VIL1: variants seen among roughly 807,000 people sequenced by gnomAD.
The protein encoded by VIL1 is villin-1.
VIL1 carries 86 observed loss-of-function variants against 104.0 expected under a neutral mutation model. The ratio of observed to expected loss-of-function variants is 0.83; its 90% confidence interval spans 0.69 to 0.99. VIL1 has a LOEUF of 0.99. VIL1 is among the 50% of genes least tolerant of loss of function. The pLI is 0.00. For synonymous variants in VIL1, 394 were observed against 412.6 expected (o/e 0.95, Z 0.55); for missense variants, 944 against 1,054.1 (o/e 0.90, Z 1.45).
chr2:218,422,126 G>A (rs1003038007), intron 1 of VIL1, among the ~76,000 whole-genome samples: 8 of 152,032 alleles, frequency 5.3e-5, no homozygotes, highest in East Asian at 1.9e-4. Flanking sequence ...TTGGTGGCTC[G>A]CGCCTGTAAT....
chr2:218,419,808 C>T lies in VIL1; in HGVS notation c.-12+640C>T, dbSNP rs780694033. On this transcript the variant is annotated intron_variant, in intron 1 of 19. Coordinates refer to ENST00000248444, the MANE Select transcript of VIL1 (RefSeq NM_007127.3). ...CTACCCGGAGCTGCCCCATTGGCCTCCCCAGCCACTGTGGGCCCATTCAGC... is the reference window on the plus strand; with the variant it reads ...CTACCCGGAGCTGCCCCATTGGCCTTCCCAGCCACTGTGGGCCCATTCAGC... Among the ~76,000 whole-genome samples, 86 of 152,202 alleles carry T rather than the reference C, an allele frequency of 5.7e-4. 1 individual carries two copies. Among genetic ancestry groups the T allele is most frequent in the Non-Finnish European group, 9.7e-4 (66 of 68,034 alleles).
chr2:218,437,197 T>G lies in VIL1; in HGVS notation c.2045T>G (p.Leu682Arg). The G allele has an allele frequency of 6.2e-7, 1 of 1,614,130 alleles. No homozygotes were observed. The highest frequency in any genetic ancestry group is 8.5e-7 in the Non-Finnish European group (1 of 1,180,032). The change falls in exon 17 of 20, where the codon CTC becomes CGC. Residue 682 changes from leucine (L) to arginine (R), a missense_variant. Physicochemically the swap from Leu to Arg is moderately radical, Grantham distance 102. Coordinates refer to ENST00000248444, the MANE Select transcript of VIL1 (RefSeq NM_007127.3). ...GCAGCAACCACTGCACAGGAATACC[T>G]CAAGACCCATCCCAGCGGGCGTGAC... ...KAAATTAQEY[L>R]KTHPSGRDPE...
intron 6 of VIL1, 78 bp downstream of exon 6, chr2:218,428,415 C>T (rs1226857916): frequency 9.5e-6 from 12 of 1,264,700 alleles, no homozygotes; most frequent in Admixed American, 1.8e-5. Context: ...GGCCTCTCCC[C>T]GCTGACTGCT....
In VIL1 at chr2:218,422,257, AAAATAAATAAAT is replaced by A. The variant is rs548150052; in HGVS notation, c.-11-1495_-11-1484del. Reference sequence around the variant, plus strand: ...GCAACAAGAGTGAAACTCTGTCCCAAAAATAAATAAATAAATAAATAAATAAAAGAAGGGGAC... The same window carrying A: ...GCAACAAGAGTGAAACTCTGTCCCAAAAATAAATAAATAAAAGAAGGGGAC... On this transcript the variant is annotated intron_variant, in intron 1 of 19. Coordinates refer to ENST00000248444, the MANE Select transcript of VIL1 (RefSeq NM_007127.3). Among the ~76,000 whole-genome samples the A allele has an allele frequency of 5.9e-5, 9 of 152,094 alleles. No individual in the cohort carries two copies. The East Asian group carries it at 1.2e-3, about 19-fold the overall frequency.
rs1553534705 is a variant in VIL1 at position 218,435,275 on chromosome 2, C to CG, written c.1681-14_1681-13insG. 7.5e-6 allele frequency: 12 copies of CG among 1,610,590 alleles called. No individual in the cohort carries two copies. The highest frequency in any genetic ancestry group is 5.0e-5 in the Admixed American group (3 of 59,770). On this transcript the variant is annotated splice_polypyrimidine_tract_variant and intron_variant, in intron 14 of 19. Coordinates refer to ENST00000248444, the MANE Select transcript of VIL1 (RefSeq NM_007127.3). ...GGGTGGCACTAGAAATTAGCCAACT[C>CG]TTTTTTTTCCTAGGGTTGTAGCGGG...
At chr2:218,446,504 G>C (rs1454674441) in intron 19 of VIL1, among the ~76,000 whole-genome samples, 1 of 152,002 alleles carries the variant, frequency 6.6e-6, no homozygotes, top group African/African-American at 2.4e-5. Context: ...CAAAGTGCTG[G>C]GATTACAGGT....
intron 19 of VIL1, among the ~76,000 whole-genome samples, chr2:218,443,663 G>T (rs144557867): frequency 1.4e-3 from 208 of 150,538 alleles, no homozygotes; most frequent in South Asian, 3.2e-3. Flanking sequence ...GTTTTCTGTG[G>T]TTTTTTTTTG....
chr2:218,426,786 T>A (rs922233177), intron 4 of VIL1, among the ~76,000 whole-genome samples: 1 of 151,914 alleles, frequency 6.6e-6, no homozygotes, highest in African/African-American at 2.4e-5. Flanking sequence ...GTATTTTTAG[T>A]AGAGACAGGG....
rs757940241 is a variant in VIL1 at position 218,425,765 on chromosome 2, G to A, written c.301G>A (p.Gly101Ser). ...GGCTGTGCAGCACCGCGAGGTCCAG[G>A]GCAACGAGAGCGAGGCCTTCCGAGG... ...GRAVQHREVQGNESEAFRGYF... is the reference protein window; with the variant it reads ...GRAVQHREVQSNESEAFRGYF... Residue 101 changes from glycine to serine, a missense_variant, in exon 4 of 20, where the codon GGC (glycine) becomes AGC (serine). Transcript: ENST00000248444. 1.9e-6 allele frequency: 3 copies of A among 1,613,880 alleles called. No homozygotes were observed. The East Asian group carries it at 6.7e-5, about 36-fold the overall frequency.
At chr2:218,420,342 T>C (rs1688878298) in intron 1 of VIL1, among the ~76,000 whole-genome samples, 1 of 143,736 alleles carries the variant, frequency 7.0e-6, no homozygotes, top group Non-Finnish European at 1.5e-5. Flanking sequence ...GGCACGAGAA[T>C]CGCTTGAACC....
chr2:218,430,780 A>G lies in VIL1; in HGVS notation c.1004A>G (p.Asp335Gly). 1 of 1,613,344 alleles carries G rather than the reference A, an allele frequency of 6.2e-7. No individual in the cohort carries two copies. Among genetic ancestry groups the G allele is most frequent in the East Asian group, 2.2e-5 (1 of 44,852 alleles). The part of the protein sequence containing the change: ...PPSTQVEVQN[D>G]GAESAVFQQL... ...AGCACACAGGTGGAGGTGCAGAATG[A>G]TGGGGCTGAGTCGGCCGTCTTTCAG... Residue 335 changes from aspartate to glycine, a missense_variant, in exon 10 of 20, where the codon GAT becomes GGT. Asp to Gly is a moderately conservative substitution (Grantham distance 94). Coordinates refer to ENST00000248444, the MANE Select transcript of VIL1 (RefSeq NM_007127.3).
chr2:218,420,181 G>A (rs544053238), intron 1 of VIL1, among the ~76,000 whole-genome samples: 1 of 152,284 alleles, frequency 6.6e-6, no homozygotes, highest in South Asian at 2.1e-4. Flanking sequence ...TGGAATCCCA[G>A]CACTTTGGGA....
In VIL1 at chr2:218,429,363, G is replaced by A. The variant is rs1559146651; in HGVS notation, c.646G>A (p.Glu216Lys). 1.2e-6 allele frequency: 2 copies of A among 1,614,166 alleles called. No homozygotes were observed. The highest frequency in any genetic ancestry group is 4.5e-5 in the East Asian group (2 of 44,876). Residue 216 changes from glutamate to lysine, a missense_variant, in exon 7 of 20, where the codon GAA becomes AAA. Coordinates refer to ENST00000248444, the MANE Select transcript of VIL1 (RefSeq NM_007127.3). ...TYVGVVDGENELASPKLMEVM... is the reference protein window; with the variant it reads ...TYVGVVDGENKLASPKLMEVM... ...TGTAGGCGTGGTGGACGGAGAGAAT[G>A]AATTGGCATCCCCGAAGCTGATGGA...
At chr2:218,425,918 G>T (rs1186442570) in intron 4 of VIL1, 107 bp downstream of exon 4, 2 of 1,240,170 alleles carry the variant, frequency 1.6e-6, no homozygotes, top group Non-Finnish European at 2.2e-6. Flanking sequence ...TCAGGCCTGG[G>T]AAGAACACTT....
At chr2:218,433,645 G>T (rs1357350355) in intron 13 of VIL1, among the ~76,000 whole-genome samples, 1 of 151,422 alleles carries the variant, frequency 6.6e-6, no homozygotes, top group Non-Finnish European at 1.5e-5. Flanking sequence ...GGTGGTTCAC[G>T]CCTGTAATCC....
rs757480751 is a variant in VIL1 at position 218,423,753 on chromosome 2, C to T, written c.-11-15C>T. ...GAACTCAGGGTGCCCCTGCTCCCAA[C>T]GCCTTCTCCCCCAGGCTCACTCACC... On this transcript the variant is annotated splice_polypyrimidine_tract_variant and intron_variant, in intron 1 of 19. Transcript: ENST00000248444. The T allele has an allele frequency of 3.0e-5, 48 of 1,613,622 alleles. No individual in the cohort carries two copies. Among genetic ancestry groups the T allele is most frequent in the Non-Finnish European group, 3.6e-5 (42 of 1,179,716 alleles).
intron 1 of VIL1, among the ~76,000 whole-genome samples, chr2:218,423,517 GTTCA>G (rs1215408521): frequency 6.6e-6 from 1 of 152,062 alleles, no homozygotes; most frequent in African/African-American, 2.4e-5. Flanking sequence ...GGTTCACTCT[GTTCA>G]TTCATTCATC....
At chr2:218,435,743 C>T (rs371864784) in intron 15 of VIL1, among the ~76,000 whole-genome samples, 44 of 152,326 alleles carry the variant, frequency 2.9e-4, no homozygotes, top group African/African-American at 9.9e-4. Context: ...GTTTGCCTTT[C>T]AGTAACAAGA....
rs773813820 is a variant in VIL1, at chr2:218,437,292, T to C, written c.2140T>C (p.Trp714Arg). The change falls in exon 17 of 20, where the codon TGG (tryptophan) becomes CGG (arginine). Residue 714 changes from tryptophan to arginine, a missense_variant. By Grantham distance (101) the Trp-to-Arg change is moderately radical (BLOSUM62 -3). Coordinates refer to ENST00000248444, the MANE Select transcript of VIL1 (RefSeq NM_007127.3). The part of the protein sequence containing the change: ...PPTFTGWFLA[W>R]DPFKWSNTKS... ...CACCTTCACAGGCTGGTTCCTGGCT[T>C]GGGATCCCTTCAAGTGGAGTGTGAG... The C allele has an allele frequency of 6.2e-7, 1 of 1,613,990 alleles. No homozygotes were observed. The highest frequency in any genetic ancestry group is 8.5e-7 in the Non-Finnish European group (1 of 1,179,980).
Sources: allele counts gnomAD v4.1 joint callset (sites outside exome capture counted in the v4.1 genomes callset), GRCh38; gene constraint gnomAD v4.1.1; transcripts MANE v1.5; gene names NCBI Gene and HGNC (gene_info 2026-07-23, HGNC 2026-07-21).